Variants in FGGY observed in about 807,000 individuals in gnomAD.
FGGY encodes FGGY carbohydrate kinase domain-containing protein.
In FGGY, 72 loss-of-function variants were observed where a neutral mutation model predicts 71.3. The observed-to-expected ratio is 1.01, with a 90% CI of 0.84 to 1.23. FGGY has a LOEUF of 1.23. FGGY is among the 50% of genes most tolerant of loss of function. The pLI is 0.00. For missense variants in FGGY, 668 were observed against 682.3 expected (o/e 0.98, Z 0.23); for synonymous variants, 251 against 250.3 (o/e 1.00, Z -0.02).
At chr1:59,703,709 A>T (rs572956403) in intron 14 of FGGY, among the ~76,000 whole-genome samples, 2 of 152,324 alleles carry the variant, frequency 1.3e-5, no homozygotes, top group African/African-American at 2.4e-5. Context: ...TCTGAAAAGG[A>T]TCTGTCTTTA....
chr1:59,737,341 C>G (rs113769750), intron 14 of FGGY, among the ~76,000 whole-genome samples: 6,341 of 152,250 alleles, frequency 0.042, 173 homozygotes, highest in South Asian at 0.066. Flanking sequence ...ACCTCCAGAC[C>G]CCAGAATGGT....
chr1:59,492,451 T>C (rs1186145132), intron 6 of FGGY, among the ~76,000 whole-genome samples: 1 of 152,180 alleles, frequency 6.6e-6, no homozygotes, highest in African/African-American at 2.4e-5. Flanking sequence ...CCAGTATTTT[T>C]GGATTTTTTT....
At chr1:59,543,850 A>T (rs746635684) in intron 7 of FGGY, among the ~76,000 whole-genome samples, 4 of 152,112 alleles carry the variant, frequency 2.6e-5, no homozygotes, top group African/African-American at 7.2e-5. Flanking sequence ...CCTACCTTCA[A>T]GGAGCCTTTG....
intron 12 of FGGY, among the ~76,000 whole-genome samples, chr1:59,665,348 G>A (rs543536504): frequency 6.6e-6 from 1 of 152,270 alleles, no homozygotes; most frequent in Admixed American, 6.5e-5. Flanking sequence ...TCTGTAGATT[G>A]TTTATGGAGG....
intron 5 of FGGY, among the ~76,000 whole-genome samples, chr1:59,414,776 G>A (rs1198890507): frequency 1.3e-5 from 2 of 152,184 alleles, no homozygotes; most frequent in Admixed American, 6.5e-5. Context: ...TTGGTGGAGA[G>A]CTGCAGCCAT....
chr1:59,601,479 G>A (rs895076523), intron 8 of FGGY, among the ~76,000 whole-genome samples: 1 of 152,196 alleles, frequency 6.6e-6, no homozygotes, highest in African/African-American at 2.4e-5. Context: ...ATGGAAAGAG[G>A]CTTCTAATCC....
chr1:59,372,029 G>C (rs1050824437), intron 4 of FGGY, among the ~76,000 whole-genome samples: 4 of 152,070 alleles, frequency 2.6e-5, no homozygotes, highest in African/African-American at 9.7e-5. Context: ...ACATTCAAAA[G>C]CTAGCAGAAG....
chr1:59,657,359 G>T (rs1156815718), intron 11 of FGGY, among the ~76,000 whole-genome samples: 1 of 152,150 alleles, frequency 6.6e-6, no homozygotes, highest in East Asian at 1.9e-4. Flanking sequence ...GCAGCCTCCT[G>T]GACAGGCTCT....
At chr1:59,356,073 G>A (rs1395263579) in intron 4 of FGGY, among the ~76,000 whole-genome samples, 1 of 152,118 alleles carries the variant, frequency 6.6e-6, no homozygotes, top group Admixed American at 6.6e-5. Context: ...AACGGCTGGA[G>A]CTGAATAGGG....
chr1:59,348,444 T>A (rs1416535670), intron 4 of FGGY, among the ~76,000 whole-genome samples: 1 of 152,050 alleles, frequency 6.6e-6, no homozygotes, highest in Admixed American at 6.6e-5. Context: ...CTTTCTGAAG[T>A]GTGGAGAATG....
At position 59,533,756 on chromosome 1, in the gene FGGY, C is replaced by A. The variant is rs1024246459; in HGVS notation, c.800-20368C>A. 1.2e-3 allele frequency among the ~76,000 whole-genome samples: 176 copies of A among 152,158 alleles called. 1 individual carries two copies. The highest frequency in any genetic ancestry group is 1.4e-3 in the Non-Finnish European group (98 of 67,942). On this transcript the variant is annotated intron_variant, in intron 7 of 15. Coordinates refer to ENST00000303721, the MANE Select transcript of FGGY (RefSeq NM_018291.5). Reference sequence around the variant, plus strand: ...GGGCAGACTGACACCTCACACAGACCTGCAGCTGAGGGTCCTGTCTGTTAG... The same window carrying A: ...GGGCAGACTGACACCTCACACAGACATGCAGCTGAGGGTCCTGTCTGTTAG...
At chr1:59,302,759 AAAATT>A (rs1364677789) in intron 1 of FGGY, among the ~76,000 whole-genome samples, 1 of 152,230 alleles carries the variant, frequency 6.6e-6, no homozygotes, top group Non-Finnish European at 1.5e-5. Flanking sequence ...GTATTTAAAT[AAAATT>A]GAACTTTATT....
chr1:59,514,728 C>T (rs1447239289), intron 7 of FGGY, among the ~76,000 whole-genome samples: 2 of 152,218 alleles, frequency 1.3e-5, no homozygotes, highest in East Asian at 1.9e-4. Context: ...CAGGGGTTTC[C>T]GCTTTTGCTT....
intron 8 of FGGY, among the ~76,000 whole-genome samples, chr1:59,564,683 G>T (rs1034519673): frequency 5.9e-5 from 9 of 152,216 alleles, no homozygotes; most frequent in Non-Finnish European, 1.2e-4. Context: ...CCACTGGCAG[G>T]AATGTCAAAT....
At chr1:59,638,201 T>A in intron 10 of FGGY, 27 bp from the exon 11 acceptor site, 1 of 1,607,858 alleles carries the variant, frequency 6.2e-7, no homozygotes. Flanking sequence ...ATCCCCCCTT[T>A]AAAAATAAAA....
chr1:59,495,999 G>T (rs2153597933), intron 6 of FGGY, among the ~76,000 whole-genome samples: 1 of 152,296 alleles, frequency 6.6e-6, no homozygotes, highest in South Asian at 2.1e-4. Flanking sequence ...TTTTAGAATA[G>T]TTTTTTCTAG....
At chr1:59,310,111 G>A (rs943090257) in intron 1 of FGGY, 2 of 152,104 alleles carry the variant, frequency 1.3e-5, no homozygotes, top group Non-Finnish European at 2.9e-5. Context: ...AATGGATTTT[G>A]TTGCTTTATC....
chr1:59,452,498 C>T (rs563460560), intron 5 of FGGY, among the ~76,000 whole-genome samples: 1 of 152,106 alleles, frequency 6.6e-6, no homozygotes, highest in Non-Finnish European at 1.5e-5. Context: ...AAAGATTCTA[C>T]CATATTTTTC....
At chr1:59,627,489 T>TATATATATACACACAC (rs1469493501) in intron 10 of FGGY, among the ~76,000 whole-genome samples, 1 of 92,802 alleles carries the variant, frequency 1.1e-5, no homozygotes, top group South Asian at 3.8e-4. Flanking sequence ...TATATATATA[T>TATATATATACACACAC]ACACACACAC....
Sources: gnomAD v4.1 joint callset for allele counts (sites outside exome capture counted in the v4.1 genomes callset) on GRCh38, gnomAD v4.1.1 for gene constraint, MANE v1.5 for transcripts, NCBI Gene and HGNC (gene_info 2026-07-23, HGNC 2026-07-21) for gene names.